Variants in GUCY2C observed in about 807,000 individuals in gnomAD.
GUCY2C encodes guanylyl cyclase C.
A neutral mutation model predicts 131.1 loss-of-function variants in GUCY2C; 118 were observed. The observed-to-expected ratio is 0.90, with a 90% CI of 0.78 to 1.05. GUCY2C has a LOEUF of 1.05. Among genes scored for constraint, GUCY2C ranks in the 50% least tolerant of loss-of-function variants. GUCY2C has a pLI of 0.00. For synonymous variants in GUCY2C, 452 were observed against 457.8 expected (o/e 0.99, Z 0.16); for missense variants, 1,161 against 1,304.4 (o/e 0.89, Z 1.69).
At chr12:14,624,061 T>C (rs979747381) in intron 21 of GUCY2C, among the ~76,000 whole-genome samples, 4 of 152,138 alleles carry the variant, frequency 2.6e-5, no homozygotes, top group African/African-American at 9.7e-5. Flanking sequence ...GGCTGGGAGT[T>C]AACATGATGA....
Position 14,684,649 on chromosome 12 carries a change from C to CT in GUCY2C, c.396-1393dup, listed in dbSNP as rs1565635633. ...CCTTCCTTTCCTTTCCTTTCCTTTCCTTTCCTTTCCTTCCTTTTCTTTCTC... is the reference window on the plus strand; with the variant it reads ...CCTTCCTTTCCTTTCCTTTCCTTTCCTTTTCCTTTCCTTCCTTTTCTTTCTC... On this transcript the variant is annotated intron_variant, in intron 3 of 26. Transcript: ENST00000261170. 4.4e-5 allele frequency among the ~76,000 whole-genome samples: 6 copies of CT among 136,518 alleles called. 1 individual carries two copies. The highest frequency in any genetic ancestry group is 9.2e-5 in the Non-Finnish European group (6 of 65,032). 89.6% of individuals were successfully genotyped at this position (136,518 alleles called of 152,430 possible).
intron 8 of GUCY2C, among the ~76,000 whole-genome samples, chr12:14,673,338 A>G (rs1453811460): frequency 6.6e-6 from 1 of 152,208 alleles, no homozygotes; most frequent in East Asian, 1.9e-4. Context: ...TAGGAAGATC[A>G]AAATTTTTTC....
chr12:14,650,241 T>C (rs1266876108), intron 15 of GUCY2C, among the ~76,000 whole-genome samples: 3 of 151,878 alleles, frequency 2.0e-5, no homozygotes, highest in African/African-American at 7.2e-5. Flanking sequence ...TTGTTTATTA[T>C]TATTATTATT....
At position 14,622,208 on chromosome 12, in the gene GUCY2C, G is replaced by T; in HGVS notation, c.2409-11C>A. 1 of 1,469,064 alleles carries T rather than the reference G, an allele frequency of 6.8e-7. No individual in the cohort carries two copies. Among genetic ancestry groups the T allele is most frequent in the African/African-American group, 1.5e-5 (1 of 68,162 alleles). 91.0% of individuals were successfully genotyped at this position (1,469,064 alleles called of 1,614,324 possible). The stretch of plus-strand genomic sequence containing the variant: ...GACTTTACCACTAGCCTAGATGAAC[G>T]AAGGGAAAAAAAATGCCTTCAACTT... On this transcript the variant is annotated splice_polypyrimidine_tract_variant and intron_variant, in intron 21 of 26. Transcript: ENST00000261170.
At chr12:14,660,090 T>G (rs1347809896) in intron 11 of GUCY2C, among the ~76,000 whole-genome samples, 2 of 152,222 alleles carry the variant, frequency 1.3e-5, no homozygotes, top group Non-Finnish European at 2.9e-5. Context: ...GAAAATAGTC[T>G]ACTTCCTTTT....
At chr12:14,661,992 G>A (rs1311703775) in intron 10 of GUCY2C, among the ~76,000 whole-genome samples, 3 of 152,118 alleles carry the variant, frequency 2.0e-5, no homozygotes, top group Non-Finnish European at 2.9e-5. Context: ...CTGAAGCAGT[G>A]TCTGAGTATA....
At position 14,677,715 on chromosome 12, in the gene GUCY2C, C is replaced by T. The variant is rs996576690; in HGVS notation, c.831-744G>A. Among the ~76,000 whole-genome samples the T allele has an allele frequency of 7.3e-5, 11 of 149,886 alleles. No individual in the cohort carries two copies. In the East Asian group the frequency reaches 7.9e-4, roughly 11 times the overall value. On this transcript the variant is annotated intron_variant, in intron 6 of 26. Transcript: ENST00000261170. Reference sequence around the variant, plus strand: ...CCTCCTGAGTAGCTGGGATTACAGGCGCCCACCACCACGCCCAGCTATTTT... The same window carrying T: ...CCTCCTGAGTAGCTGGGATTACAGGTGCCCACCACCACGCCCAGCTATTTT...
intron 23 of GUCY2C, among the ~76,000 whole-genome samples, chr12:14,619,527 G>A (rs913284363): frequency 2.0e-5 from 3 of 152,140 alleles, no homozygotes; most frequent in African/African-American, 7.2e-5. Flanking sequence ...TTTTGCTCTC[G>A]CAAAGAAAAC....
chr12:14,683,379 A>C (rs1340050998), intron 3 of GUCY2C, 122 bp from the exon 4 acceptor site: 1 of 654,410 alleles, frequency 1.5e-6, no homozygotes, highest in Non-Finnish European at 2.7e-6. Flanking sequence ...TCGGATCATT[A>C]AAGCAGGTTT....
At chr12:14,696,174 C>T in intron 1 of GUCY2C, 58 bp downstream of exon 1, 1 of 1,365,164 alleles carries the variant, frequency 7.3e-7, no homozygotes. Flanking sequence ...TGCTTAGCAA[C>T]ATTTTGTCCC....
chr12:14,674,848 G>C (rs907029527), intron 7 of GUCY2C, 88 bp from the exon 8 acceptor site: 15 of 1,014,068 alleles, frequency 1.5e-5, no homozygotes, highest in Non-Finnish European at 2.0e-5. Context: ...GGATCAGCAG[G>C]GTTACTGGAA....
intron 16 of GUCY2C, 42 bp from the exon 17 acceptor site, chr12:14,643,748 C>T: frequency 1.9e-6 from 3 of 1,553,788 alleles, no homozygotes; most frequent in Non-Finnish European, 1.8e-6. Flanking sequence ...ATGTGACACA[C>T]TTCAGCTGCT....
chr12:14,641,158 G>C lies in GUCY2C; in HGVS notation c.1992C>G (p.Tyr664Ter). Residue 664 changes from tyrosine to a stop codon, truncating the protein, a stop_gained, in exon 18 of 27, where the codon TAC (tyrosine) becomes TAG (stop). Coordinates refer to ENST00000261170, the MANE Select transcript of GUCY2C (RefSeq NM_004963.4). LOFTEE classifies it high-confidence loss of function. ...TCTCCTGTGCGATGATCCCATAGCTGTACACATCTCCTTTCTGAGAGATGT... is the reference window on the plus strand; with the variant it reads ...TCTCCTGTGCGATGATCCCATAGCTCTACACATCTCCTTTCTGAGAGATGT... Reference protein sequence around the residue: ...QANISQKGDVYSYGIIAQEII... With the variant: ...QANISQKGDV The C allele has an allele frequency of 6.2e-7, 1 of 1,613,512 alleles. No homozygotes were observed. The highest frequency in any genetic ancestry group is 1.3e-5 in the African/African-American group (1 of 75,004).
chr12:14,676,767 G>T, intron 7 of GUCY2C, 87 bp downstream of exon 7: 2 of 346,702 alleles, frequency 5.8e-6, no homozygotes, highest in Non-Finnish European at 1.0e-5. Context: ...TTTAGAATTT[G>T]GGTCCTAAAT....
At chr12:14,649,604 A>G (rs1345767266) in intron 15 of GUCY2C, among the ~76,000 whole-genome samples, 2 of 152,220 alleles carry the variant, frequency 1.3e-5, no homozygotes, top group Non-Finnish European at 2.9e-5. Flanking sequence ...CTATGAATGG[A>G]ACAATATTAT....
Position 14,676,888 on chromosome 12 carries a change from A to C in GUCY2C, c.914T>G (p.Leu305Arg). ...ATTCCTGGAGAAAGAGCTATTTAGA[A>C]GGGAATTCCCAGGAGACAGCGTCAG... ...LVLTLSPGNS[L>R]LNSSFSRNLS... The change falls in exon 7 of 27, where the codon CTT becomes CGT. Residue 305 changes from leucine to arginine, a missense_variant. Physicochemically the swap from Leu to Arg is moderately radical, Grantham distance 102. Transcript: ENST00000261170. 6.5e-7 allele frequency: 1 copy of C among 1,540,636 alleles called. No individual in the cohort carries two copies. Among genetic ancestry groups the C allele is most frequent in the Non-Finnish European group, 8.9e-7 (1 of 1,126,530 alleles).
chr12:14,681,061 G>C (rs1468049069), intron 5 of GUCY2C, among the ~76,000 whole-genome samples: 2 of 152,054 alleles, frequency 1.3e-5, no homozygotes, highest in Non-Finnish European at 2.9e-5. Context: ...GTCTGCTGAG[G>C]GTGGGTCATA....
In GUCY2C at chr12:14,628,668, TC is replaced by T. The variant is rs1206600754; in HGVS notation, c.2226del (p.Thr743LeufsTer22). On this transcript the variant is annotated frameshift_variant, in exon 20 of 27. Transcript: ENST00000261170. LOFTEE classifies it high-confidence loss of function. Reference sequence around the variant, plus strand: ...TACCCAAATATCTTGGCAAGTGTAGTCTCAATTTTTTTGAAATCTGGTCTCT... The same window carrying T: ...TACCCAAATATCTTGGCAAGTGTAGTTCAATTTTTTTGAAATCTGGTCTCT... ...PEKRPDFKKIETTLAKIFGLF... is the reference protein window; with the variant it reads ...PEKRPDFKKIXTTLAKIFGLF... The T allele has an allele frequency of 1.9e-6, 3 of 1,570,178 alleles. No homozygotes were observed. Among genetic ancestry groups the T allele is most frequent in the Admixed American group, 1.7e-5 (1 of 59,932 alleles).
chr12:14,665,993 G>C (rs1036047009), intron 10 of GUCY2C: 1 of 152,236 alleles, frequency 6.6e-6, no homozygotes, highest in Non-Finnish European at 1.5e-5. Context: ...GGAAAGAAGA[G>C]AACAGCTCAC....
Sources: gnomAD v4.1 joint callset for allele counts (sites outside exome capture counted in the v4.1 genomes callset) on GRCh38, gnomAD v4.1.1 for gene constraint, MANE v1.5 for transcripts, NCBI Gene and HGNC (gene_info 2026-07-23, HGNC 2026-07-21) for gene names.